The following PHF21B variants were observed in gnomAD, a reference collection of about 807,000 sequenced individuals.
PHF21B encodes the protein PHD finger protein 4.
PHF21B carries 22 observed loss-of-function variants against 62.2 expected under a neutral mutation model. The ratio of observed to expected loss-of-function variants is 0.35; its 90% CI spans 0.25 to 0.51. The LOEUF (loss-of-function observed/expected upper bound fraction) is 0.51. PHF21B is among the 20% of genes least tolerant of loss of function. The pLI, the probability that PHF21B is intolerant of heterozygous loss-of-function variation, is 0.97. For synonymous variants in PHF21B, 341 were observed against 314.7 expected, an observed-to-expected ratio of 1.08 and a Z score of -0.88; for missense variants, 701 against 707.9, an observed-to-expected ratio of 0.99 and a Z score of 0.11.
At chr22:44,918,948 G>A (rs1166799415) in intron 3 of PHF21B, among the ~76,000 whole-genome samples, 1 of 152,120 alleles carries the variant, frequency 6.6e-6, no homozygotes, top group African/African-American at 2.4e-5. Flanking sequence ...GCCCCTGGTG[G>A]CCTCTCCACC....
chr22:44,941,250 G>A (rs1311356194), intron 2 of PHF21B, among the ~76,000 whole-genome samples: 2 of 152,198 alleles, frequency 1.3e-5, no homozygotes, highest in Non-Finnish European at 2.9e-5. Flanking sequence ...AGATTCCAGA[G>A]ACCTCCAGAG....
chr22:44,984,181 A>G, intron 2 of PHF21B, among the ~76,000 whole-genome samples: 1 of 123,386 alleles, frequency 8.1e-6, no homozygotes, highest in African/African-American at 3.0e-5. Context: ...CACCATCACA[A>G]CCACCATCAT....
At position 45,009,371 on chromosome 22, in the gene PHF21B, C is replaced by A; in HGVS notation, c.54+125G>T. 9.8e-7 allele frequency: 1 copy of A among 1,018,188 alleles called. No individual in the cohort carries two copies. The highest frequency in any genetic ancestry group is 1.4e-6 in the Non-Finnish European group (1 of 728,032). 63.1% of individuals were successfully genotyped at this position (1,018,188 alleles called of 1,614,324 possible). On this transcript the variant is annotated intron_variant, in intron 1 of 12. Coordinates refer to ENST00000313237, the MANE Select transcript of PHF21B (RefSeq NM_138415.5). The surrounding 1 kb of genome is among the most constrained non-coding windows in gnomAD (Gnocchi z 5.9). ...CGTGTGCTCACTCCCTCGCCCCCCG[C>A]CCCCGGGCAGGCTCCAGCCTGGAAG...
intron 2 of PHF21B, among the ~76,000 whole-genome samples, chr22:44,927,580 CCCCTT>C (rs1377627506): frequency 6.6e-6 from 1 of 152,214 alleles, no homozygotes; most frequent in Non-Finnish European, 1.5e-5. Context: ...ACACTGCCAT[CCCCTT>C]CCAACAACCG....
intron 2 of PHF21B, among the ~76,000 whole-genome samples, chr22:44,977,721 G>A (rs2072764018): frequency 6.6e-6 from 1 of 151,706 alleles, no homozygotes; most frequent in African/African-American, 2.4e-5. Context: ...TGGGGCTACA[G>A]GTGCATGCCA....
At chr22:45,005,351 T>C (rs577855461) in intron 2 of PHF21B, among the ~76,000 whole-genome samples, 2 of 151,904 alleles carry the variant, frequency 1.3e-5, no homozygotes, top group Non-Finnish European at 2.9e-5. Flanking sequence ...TGACCAACTA[T>C]CCTATGCCTC....
chr22:44,906,706 AT>A (rs1326440020), intron 5 of PHF21B, among the ~76,000 whole-genome samples: 1 of 152,218 alleles, frequency 6.6e-6, no homozygotes, highest in South Asian at 2.1e-4. Flanking sequence ...GTGACCGTAC[AT>A]GTGGTTTCCC....
intron 2 of PHF21B, among the ~76,000 whole-genome samples, chr22:44,946,235 G>A (rs2072067672): frequency 6.6e-6 from 1 of 152,076 alleles, no homozygotes; most frequent in African/African-American, 2.4e-5. Flanking sequence ...CTCGGGGTGG[G>A]GAGGGATGCC....
At chr22:44,960,293 G>C (rs997068863) in intron 2 of PHF21B, among the ~76,000 whole-genome samples, 5 of 152,060 alleles carry the variant, frequency 3.3e-5, no homozygotes, top group African/African-American at 1.2e-4. Flanking sequence ...ACCTGAGTTC[G>C]GTGTCAGATG....
chr22:44,934,237 C>T (rs757383988), intron 2 of PHF21B, among the ~76,000 whole-genome samples: 7 of 152,206 alleles, frequency 4.6e-5, no homozygotes, highest in Non-Finnish European at 8.8e-5. Flanking sequence ...CCCTCACCTG[C>T]ACCTCACCCA....
At chr22:44,975,721 C>T (rs948812753) in intron 2 of PHF21B, among the ~76,000 whole-genome samples, 1 of 152,204 alleles carries the variant, frequency 6.6e-6, no homozygotes, top group Non-Finnish European at 1.5e-5. Context: ...AAAGAGGCTG[C>T]CCTGAGTGCT....
At chr22:44,956,970 A>G (rs2072311068) in intron 2 of PHF21B, among the ~76,000 whole-genome samples, 1 of 152,212 alleles carries the variant, frequency 6.6e-6, no homozygotes, top group African/African-American at 2.4e-5. Flanking sequence ...AAGAGGAGGC[A>G]GCCGTCACGC....
At chr22:44,951,883 C>A (rs761912479) in intron 2 of PHF21B, among the ~76,000 whole-genome samples, 2 of 152,162 alleles carry the variant, frequency 1.3e-5, no homozygotes, top group Non-Finnish European at 2.9e-5. Context: ...CTTTTCCTTG[C>A]CTTTTGTCCT....
At chr22:44,893,290 G>A (rs1393804469) in intron 7 of PHF21B, among the ~76,000 whole-genome samples, 167 bp downstream of exon 7, 1 of 152,198 alleles carries the variant, frequency 6.6e-6, no homozygotes, top group Non-Finnish European at 1.5e-5. Context: ...TCAACTCGGA[G>A]GTGATGAGAG....
chr22:44,900,454 C>T (rs1395938849), intron 5 of PHF21B, among the ~76,000 whole-genome samples: 1 of 152,178 alleles, frequency 6.6e-6, no homozygotes, highest in Non-Finnish European at 1.5e-5. Flanking sequence ...GCACCCGCCA[C>T]CACGCCCAGC....
intron 2 of PHF21B, among the ~76,000 whole-genome samples, chr22:44,977,878 ACCTGG>A (rs1237314279): frequency 6.6e-6 from 1 of 151,548 alleles, no homozygotes; most frequent in East Asian, 1.9e-4. Context: ...GAGCCACTGC[ACCTGG>A]CCTGCATGTT....
chr22:44,987,004 T>A (rs2072962174), intron 2 of PHF21B, among the ~76,000 whole-genome samples: 1 of 152,190 alleles, frequency 6.6e-6, no homozygotes, highest in South Asian at 2.1e-4. Flanking sequence ...GTCTATCAGA[T>A]TCATACCTCG....
At chr22:44,890,777 G>A (rs918513234) in intron 8 of PHF21B, among the ~76,000 whole-genome samples, 2 of 152,268 alleles carry the variant, frequency 1.3e-5, no homozygotes, top group African/African-American at 4.8e-5. Flanking sequence ...CCAGGTTCCA[G>A]CCTGAAGATC....
Position 44,928,266 on chromosome 22 carries a change from G to A in PHF21B, c.121-7776C>T, listed in dbSNP as rs761917766. ...CGGCAACACCAGCCTCACGCCCGCC[G>A]TCCTCGAACTGCCAGGCCACAGTCT... On this transcript the variant is annotated intron_variant, in intron 2 of 12. Transcript: ENST00000313237. 3.9e-5 allele frequency among the ~76,000 whole-genome samples: 6 copies of A among 152,132 alleles called. No homozygotes were observed. The South Asian group carries it at 6.3e-4, about 16-fold the overall frequency.
Sources: allele counts gnomAD v4.1 joint callset (sites outside exome capture counted in the v4.1 genomes callset), GRCh38; gene constraint gnomAD v4.1.1; non-coding constraint Gnocchi (gnomAD v3.1); transcripts MANE v1.5; gene names NCBI Gene and HGNC (gene_info 2026-07-23, HGNC 2026-07-21).